Variants in FRK observed in about 807,000 individuals in gnomAD.
FRK encodes the protein tyrosine-protein kinase FRK.
A neutral mutation model predicts 56.4 loss-of-function variants in FRK; 51 were observed. The ratio of observed to expected loss-of-function variants is 0.90; its 90% CI spans 0.72 to 1.14. FRK has a LOEUF of 1.14. Among genes scored for constraint, FRK ranks in the 50% most tolerant of loss-of-function variants. The probability of loss-of-function intolerance (pLI) is 0.00; values close to 1 mark genes in which losing one functional copy is unlikely to be tolerated. For synonymous variants in FRK, 245 were observed against 217.9 expected (o/e 1.12, Z -1.10); for missense variants, 570 against 601.4 (o/e 0.95, Z 0.55).
chr6:116,068,421 T>C, the FRK span, among the ~76,000 whole-genome samples: 1 of 152,172 alleles, frequency 6.6e-6, no homozygotes, highest in African/African-American at 2.4e-5. Flanking sequence ...AACCTCAATT[T>C]CCTTTTTCAT....
chr6:116,020,846 T>C (rs1425974151), intron 1 of FRK, among the ~76,000 whole-genome samples: 1 of 152,212 alleles, frequency 6.6e-6, no homozygotes, highest in Non-Finnish European at 1.5e-5. Context: ...GAGACAATAG[T>C]ATAACCACTT....
At chr6:116,057,904 C>T (rs962068454) in intron 1 of FRK, among the ~76,000 whole-genome samples, 1 of 152,160 alleles carries the variant, frequency 6.6e-6, no homozygotes, top group Non-Finnish European at 1.5e-5. Flanking sequence ...GATTGCTTGA[C>T]TTGTTTCAGT....
chr6:116,006,011 T>C (rs1320728431), intron 1 of FRK, among the ~76,000 whole-genome samples: 2 of 152,166 alleles, frequency 1.3e-5, no homozygotes, highest in South Asian at 2.1e-4. Flanking sequence ...AGGGAAAAGA[T>C]TGATAATATT....
intron 1 of FRK, among the ~76,000 whole-genome samples, chr6:116,017,525 A>G (rs1433820724): frequency 1.3e-5 from 2 of 152,160 alleles, no homozygotes; most frequent in African/African-American, 2.4e-5. Context: ...TGATTTGCCA[A>G]CAGTTCTTTG....
At chr6:116,061,384 A>G (rs952367264), upstream of FRK, among the ~76,000 whole-genome samples, 3 of 145,582 alleles carry the variant, frequency 2.1e-5, no homozygotes, top group African/African-American at 7.9e-5. Context: ...CCTATCCTTC[A>G]AGTACTATTT....
rs757350002 is a variant in FRK at position 115,967,552 on chromosome 6, T to G, written c.798A>C (p.Pro266=). 2.5e-6 allele frequency: 4 copies of G among 1,612,468 alleles called. No individual in the cohort carries two copies. The South Asian group carries it at 3.3e-5, about 13-fold the overall frequency. The part of the protein sequence containing the change: ...TTPVAVKTLK[P]GSMDPNDFLR... ...ATTTAACCTTTATTGTTCTCGCACC[T>G]GGTTTTAATGTTTTCACTGCTACTG... is the stretch of plus-strand genomic sequence containing the variant. The change falls in exon 4 of 8, where the codon CCA becomes CCC. Residue 266 remains proline (P), a splice_region_variant and synonymous_variant. Coordinates refer to ENST00000606080, the MANE Select transcript of FRK (RefSeq NM_002031.3).
chr6:116,028,829 TG>T (rs1176590223), intron 1 of FRK, among the ~76,000 whole-genome samples: 3 of 152,094 alleles, frequency 2.0e-5, no homozygotes, highest in Admixed American at 6.6e-5. Flanking sequence ...ATAAAGACTT[TG>T]GGGGGACATA....
the FRK span, among the ~76,000 whole-genome samples, chr6:116,094,569 C>T: frequency 6.6e-6 from 1 of 152,238 alleles, no homozygotes; most frequent in Admixed American, 6.5e-5. Context: ...AGTTCCTAAC[C>T]TTTAGGGGAA....
chr6:116,013,099 T>A (rs1043776050), intron 1 of FRK, among the ~76,000 whole-genome samples: 4 of 152,170 alleles, frequency 2.6e-5, no homozygotes, highest in Non-Finnish European at 4.4e-5. Flanking sequence ...TTTATAGTCA[T>A]CATAAATGAG....
intron 5 of FRK, among the ~76,000 whole-genome samples, chr6:115,947,332 G>A (rs984961470): frequency 6.6e-6 from 1 of 151,536 alleles, no homozygotes; most frequent in African/African-American, 2.4e-5. Flanking sequence ...GTGTGTGTGT[G>A]TGTGTGTGTG....
At chr6:116,082,856 G>C in the FRK span, among the ~76,000 whole-genome samples, 2 of 152,058 alleles carry the variant, frequency 1.3e-5, no homozygotes, top group Non-Finnish European at 2.9e-5. Context: ...TCAAAGTATA[G>C]ATATATCTTT....
At chr6:116,097,676 G>C in the FRK span, among the ~76,000 whole-genome samples, 1 of 151,998 alleles carries the variant, frequency 6.6e-6, no homozygotes, top group African/African-American at 2.4e-5. Context: ...TAGAAAATCG[G>C]CTGTAATATA....
chr6:116,037,002 T>A (rs1468660083), intron 1 of FRK, among the ~76,000 whole-genome samples: 1 of 152,178 alleles, frequency 6.6e-6, no homozygotes, highest in East Asian at 1.9e-4. Context: ...GAATATTAAG[T>A]CAGCAAATAA....
intron 2 of FRK, among the ~76,000 whole-genome samples, chr6:115,995,523 CT>C (rs1202565525): frequency 6.6e-6 from 1 of 151,782 alleles, no homozygotes; most frequent in Non-Finnish European, 1.5e-5. Context: ...TACAAAAAAT[CT>C]TTTTAACAAA....
intron 1 of FRK, among the ~76,000 whole-genome samples, chr6:116,050,963 A>C (rs1777156189): frequency 6.6e-6 from 1 of 152,182 alleles, no homozygotes; most frequent in African/African-American, 2.4e-5. Flanking sequence ...GTGTCTTCGT[A>C]TGTCAGAATT....
upstream of FRK, among the ~76,000 whole-genome samples, chr6:116,062,092 A>G (rs368486626): frequency 2.0e-5 from 3 of 152,320 alleles, no homozygotes; most frequent in East Asian, 1.9e-4. Flanking sequence ...ACTTTGTGCA[A>G]AAATCAGTCC....
chr6:116,078,809 TTTA>T, the FRK span, among the ~76,000 whole-genome samples: 1 of 152,228 alleles, frequency 6.6e-6, no homozygotes, highest in South Asian at 2.1e-4. Context: ...CTTTCATTTT[TTTA>T]TTGTTTCACA....
intron 1 of FRK, among the ~76,000 whole-genome samples, chr6:116,053,423 GA>G (rs1407009789): frequency 6.6e-6 from 1 of 152,270 alleles, no homozygotes; most frequent in African/African-American, 2.4e-5. Flanking sequence ...GCTGCTAAAA[GA>G]ATTTAGTCCT....
At chr6:116,022,274 C>T (rs1775898913) in intron 1 of FRK, among the ~76,000 whole-genome samples, 1 of 152,050 alleles carries the variant, frequency 6.6e-6, no homozygotes, top group Non-Finnish European at 1.5e-5. Flanking sequence ...TACACATAAA[C>T]TCTTTCAGAA....
Sources: allele counts gnomAD v4.1 joint callset (sites outside exome capture counted in the v4.1 genomes callset), GRCh38; gene constraint gnomAD v4.1.1; transcripts MANE v1.5; gene names NCBI Gene and HGNC (gene_info 2026-07-23, HGNC 2026-07-21).